Variants in BRD1 observed in about 807,000 individuals in gnomAD.
BRD1 encodes the protein bromodomain-containing protein 1.
Under a neutral mutation model 107.7 loss-of-function variants are expected in BRD1, and 24 were observed. The observed-to-expected ratio is 0.22, with a 90% CI of 0.16 to 0.31. The LOEUF (loss-of-function observed/expected upper bound fraction) is 0.31. Ranked by LOEUF, BRD1 falls within the 10% of genes least tolerant of loss-of-function variation. The pLI, the probability that BRD1 is intolerant of heterozygous loss-of-function variation, is 1.00. For missense variants in BRD1, 1,279 were observed against 1,638.6 expected (o/e 0.78, Z 3.79); for synonymous variants, 744 against 686.1 (o/e 1.08, Z -1.32).
In BRD1 at chr22:49,824,339, G is replaced by A. The variant is rs750349689; in HGVS notation, c.-14-8C>T. 3 of 1,609,124 alleles carry A rather than the reference G, an allele frequency of 1.9e-6. No homozygotes were observed. Among genetic ancestry groups the A allele is most frequent in the South Asian group, 1.1e-5 (1 of 90,952 alleles). On this transcript the variant is annotated splice_region_variant and splice_polypyrimidine_tract_variant and intron_variant, in intron 1 of 12. Transcript: ENST00000404760. The surrounding 1 kb of genome is among the most constrained non-coding windows in gnomAD (Gnocchi z 5.9). ...TCATTTGGTAATGATTACCTAAAATGAAGGCAAAAGTAAAGGTAATTCTAC... is the reference window on the plus strand; with the variant it reads ...TCATTTGGTAATGATTACCTAAAATAAAGGCAAAAGTAAAGGTAATTCTAC...
At chr22:49,816,044 A>T (rs2059945376) in intron 2 of BRD1, among the ~76,000 whole-genome samples, 1 of 151,746 alleles carries the variant, frequency 6.6e-6, no homozygotes, top group Non-Finnish European at 1.5e-5. Context: ...CAGCCAACTC[A>T]TGCACCCACA....
intron 8 of BRD1, among the ~76,000 whole-genome samples, chr22:49,778,309 A>G (rs2059139686): frequency 6.6e-6 from 1 of 152,260 alleles, no homozygotes. Flanking sequence ...TTAAAAAGAA[A>G]AAACCTTGGT....
Position 49,824,167 on chromosome 22 carries a change from T to G in BRD1, c.151A>C (p.Ile51Leu). 2 of 1,613,976 alleles carry G rather than the reference T, an allele frequency of 1.2e-6. No homozygotes were observed. Among genetic ancestry groups the G allele is most frequent in the Non-Finnish European group, 1.7e-6 (2 of 1,180,036 alleles). Residue 51 changes from isoleucine to leucine, a missense_variant, in exon 2 of 13, where the codon ATC becomes CTC. Transcript: ENST00000404760. This position sits in a 1 kb window ranked among gnomAD's most constrained non-coding sequence, Gnocchi z 5.9. Reference sequence around the variant, plus strand: ...ATCTCCAGGGGATCAAAAATACTGATCCTGTGCAAGCGCCCTTCAATTTCT... The same window carrying G: ...ATCTCCAGGGGATCAAAAATACTGAGCCTGTGCAAGCGCCCTTCAATTTCT... ...EIEIEGRLHR[I>L]SIFDPLEIIL...
chr22:49,779,971 G>A (rs2146956409), intron 8 of BRD1, among the ~76,000 whole-genome samples: 1 of 152,334 alleles, frequency 6.6e-6, no homozygotes, highest in South Asian at 2.1e-4. Context: ...CCGGCCCCCA[G>A]CACACTCCAG....
At chr22:49,778,292 T>C (rs143901077) in intron 8 of BRD1, among the ~76,000 whole-genome samples, 2 of 152,316 alleles carry the variant, frequency 1.3e-5, no homozygotes, top group Middle Eastern at 3.4e-3. Flanking sequence ...GAATAGGAAA[T>C]CAGGTTTTAA....
chr22:49,776,185 A>G, intron 10 of BRD1, 26 bp from the exon 11 acceptor site: 1 of 1,589,254 alleles, frequency 6.3e-7, no homozygotes. Flanking sequence ...TCAGCAGGAC[A>G]CAGGCGTCAG....
At chr22:49,820,197 A>G (rs2060038711) in intron 2 of BRD1, among the ~76,000 whole-genome samples, 1 of 152,222 alleles carries the variant, frequency 6.6e-6, no homozygotes, top group African/African-American at 2.4e-5. Flanking sequence ...AACCACTAGA[A>G]TTATAAAAGC....
At chr22:49,799,891 A>C (rs893313676) in intron 3 of BRD1, among the ~76,000 whole-genome samples, 2 of 152,110 alleles carry the variant, frequency 1.3e-5, no homozygotes, top group African/African-American at 4.8e-5. Flanking sequence ...GCCTGGCCGC[A>C]TGAGGCCTGC....
Position 49,798,435 on chromosome 22 carries a change from A to G in BRD1, c.1785+123T>C, listed in dbSNP as rs2059576999. ...TATAATTTAAAAACAAATACGTTAA[A>G]TAAAAACGAGAATTAAGAACACAAG... On this transcript the variant is annotated intron_variant, in intron 5 of 12. Transcript: ENST00000404760. 18 of 1,492,876 alleles carry G rather than the reference A, an allele frequency of 1.2e-5. No individual in the cohort carries two copies. In the South Asian group the frequency reaches 1.4e-4, roughly 12 times the overall value. The allele number at this position is 1,492,876 out of a possible 1,614,324, so 92.5% of individuals were successfully genotyped here. A position where few individuals can be genotyped will look rare whatever the true frequency, so the allele number is the denominator to read the frequency against.
chr22:49,787,939 T>C, intron 7 of BRD1, 52 bp from the exon 8 acceptor site: 1 of 1,406,336 alleles, frequency 7.1e-7, no homozygotes, highest in African/African-American at 1.5e-5. Flanking sequence ...TTATAAAATC[T>C]ATTATAAAAC....
At chr22:49,806,258 A>T (rs2059742112) in intron 2 of BRD1, 1 of 152,238 alleles carries the variant, frequency 6.6e-6, no homozygotes, top group Non-Finnish European at 1.5e-5. Flanking sequence ...TTCTGACCTC[A>T]TCACAACAAG....
In BRD1 at chr22:49,776,104, C is replaced by A; in HGVS notation, c.3177G>T (p.Glu1059Asp). ...ACTTGGCCCACACCACCTTCAGAGGCTCCAGCACCGAGGCGGCGGCATCAG... is the reference window on the plus strand; with the variant it reads ...ACTTGGCCCACACCACCTTCAGAGGATCCAGCACCGAGGCGGCGGCATCAG... The part of the protein sequence containing the change: ...ISTDAAASVL[E>D]PLKVVWAKCS... The change falls in exon 11 of 13, where the codon GAG becomes GAT. Residue 1059 changes from glutamate to aspartate, a missense_variant. By Grantham distance (45) the Glu-to-Asp change is conservative (BLOSUM62 2). Around this residue, in one of 7 missense-constraint regions of BRD1, gnomAD observed 136 missense variants for 196.8 expected, o/e 0.69. Coordinates refer to ENST00000404760, the MANE Select transcript of BRD1 (RefSeq NM_001304808.3). 6.2e-7 allele frequency: 1 copy of A among 1,604,890 alleles called. No homozygotes were observed. Among genetic ancestry groups the A allele is most frequent in the Non-Finnish European group, 8.5e-7 (1 of 1,179,288 alleles).
In BRD1 at chr22:49,783,052, G is replaced by A. The variant is rs866061158; in HGVS notation, c.2857+4338C>T. 2.6e-5 allele frequency among the ~76,000 whole-genome samples: 4 copies of A among 151,056 alleles called. No individual in the cohort carries two copies. The highest frequency in any genetic ancestry group is 6.6e-5 in the Admixed American group (1 of 15,176). ...CCCAAGGCCCATCGTGCTGGGACTC[G>A]CTCCGTGACAATGCAGCTGGGATGG... On this transcript the variant is annotated intron_variant, in intron 8 of 12. Transcript: ENST00000404760. This position sits in a 1 kb window ranked among gnomAD's most constrained non-coding sequence, Gnocchi z 4.2.
In BRD1 at chr22:49,823,818, T is replaced by C. The variant is rs1447870675; in HGVS notation, c.500A>G (p.Glu167Gly). Reference protein sequence around the residue: ...DMDEEDYAWLEIVNEKRKGDC... With the variant: ...DMDEEDYAWLGIVNEKRKGDC... ...GCCCTTGCGCTTCTCATTGACGATC[T>C]CCAGCCAGGCATAGTCCTCCTCGTC... is the stretch of plus-strand genomic sequence containing the variant. The change falls in exon 2 of 13, where the codon GAG becomes GGG. Residue 167 changes from glutamate (E) to glycine (G), a missense_variant. By Grantham distance (98) the Glu-to-Gly change is moderately conservative. Transcript: ENST00000404760. 8.1e-6 allele frequency: 13 copies of C among 1,614,146 alleles called. No homozygotes were observed. Among genetic ancestry groups the C allele is most frequent in the Non-Finnish European group, 1.0e-5 (12 of 1,180,038 alleles).
intron 8 of BRD1, among the ~76,000 whole-genome samples, chr22:49,784,178 G>C (rs558932036): frequency 6.6e-6 from 1 of 151,836 alleles, no homozygotes; most frequent in African/African-American, 2.4e-5. Flanking sequence ...CCCAGCACAT[G>C]CACACAGAGA....
chr22:49,790,298 T>C (rs1467060360), intron 7 of BRD1, among the ~76,000 whole-genome samples: 1 of 152,054 alleles, frequency 6.6e-6, no homozygotes, highest in East Asian at 1.9e-4. Flanking sequence ...GCCCAACCCG[T>C]CCCTCGAGTG....
chr22:49,799,110 C>T lies in BRD1; in HGVS notation c.1534G>A (p.Asp512Asn), dbSNP rs776805517. 6.2e-7 allele frequency: 1 copy of T among 1,607,390 alleles called. No individual in the cohort carries two copies. The highest frequency in any genetic ancestry group is 1.1e-5 in the South Asian group (1 of 91,036). The change falls in exon 4 of 13, where the codon GAT becomes AAT. Residue 512 changes from aspartate (D) to asparagine (N), a missense_variant. Physicochemically the swap from Asp to Asn is conservative, Grantham distance 23 (BLOSUM62 1). Transcript: ENST00000404760. ...TCTTTGGCAGCCTTCATCTCCTCAT[C>T]ATTTTCTCTCTGAGAACAGTGAACA... ...SQRSSQQREN[D>N]EEMKAAKEKL...
intron 8 of BRD1, among the ~76,000 whole-genome samples, chr22:49,784,359 C>A (rs1281228855): frequency 3.9e-5 from 6 of 152,040 alleles, no homozygotes; most frequent in Non-Finnish European, 7.3e-5. Context: ...CAGAGACTCG[C>A]AGCAGGGGTC....
At chr22:49,796,096 C>CTT (rs60893505) in intron 6 of BRD1, among the ~76,000 whole-genome samples, 7 of 144,502 alleles carry the variant, frequency 4.8e-5, no homozygotes, top group African/African-American at 1.3e-4. Flanking sequence ...ATTGTGTTTT[C>CTT]TTTTTTTTTT....
Sources: gnomAD v4.1 joint callset for allele counts (sites outside exome capture counted in the v4.1 genomes callset) on GRCh38, gnomAD v4.1.1 for gene constraint, gnomAD v4.1.1 regional missense constraint, Gnocchi (gnomAD v3.1) non-coding constraint, MANE v1.5 for transcripts, NCBI Gene and HGNC (gene_info 2026-07-23, HGNC 2026-07-21) for gene names.